Variants in DPYD observed in about 807,000 individuals in gnomAD.
The protein encoded by DPYD is dihydropyrimidine dehydrogenase.
A neutral mutation model predicts 116.2 loss-of-function variants in DPYD; 109 were observed. That is an observed-to-expected ratio of 0.94 (90% CI 0.80 to 1.10). DPYD has a LOEUF of 1.10. DPYD is among the 50% of genes least tolerant of loss of function. The pLI is 0.00. For missense variants in DPYD, 1,302 were observed against 1,254.5 expected (o/e 1.04, Z -0.57); for synonymous variants, 440 against 432.0 (o/e 1.02, Z -0.23).
intron 13 of DPYD, among the ~76,000 whole-genome samples, chr1:97,509,667 A>G (rs537441911): frequency 2.0e-5 from 3 of 152,088 alleles, no homozygotes; most frequent in South Asian, 2.1e-4. Flanking sequence ...CAGAAAATAA[A>G]CTATTCTTTA....
At chr1:97,246,123 A>T (rs968413286) in intron 18 of DPYD, among the ~76,000 whole-genome samples, 3 of 152,128 alleles carry the variant, frequency 2.0e-5, no homozygotes, top group Non-Finnish European at 4.4e-5. Context: ...CTGACCAGGC[A>T]CTTTGAAAAA....
intron 20 of DPYD, 39 bp from the exon 21 acceptor site, chr1:97,098,671 C>T (rs1650443029): frequency 6.2e-7 from 1 of 1,609,478 alleles, no homozygotes; most frequent in African/African-American, 1.3e-5. Flanking sequence ...CATGTTAGCT[C>T]AGAGAAGAGA....
chr1:97,374,718 G>GAA (rs144889184), intron 15 of DPYD, among the ~76,000 whole-genome samples: 9 of 52,610 alleles, frequency 1.7e-4, no homozygotes, highest in African/African-American at 6.2e-4. Flanking sequence ...CTCCGTCTCA[G>GAA]AAAAAAAAAA....
At chr1:97,234,603 C>G (rs1290231121) in intron 19 of DPYD, among the ~76,000 whole-genome samples, 2 of 152,032 alleles carry the variant, frequency 1.3e-5, no homozygotes, top group South Asian at 2.1e-4. Flanking sequence ...TTATTTATTT[C>G]AGGATCACAT....
At chr1:97,246,744 T>A (rs1662745274) in intron 18 of DPYD, among the ~76,000 whole-genome samples, 2 of 152,274 alleles carry the variant, frequency 1.3e-5, no homozygotes, top group South Asian at 4.1e-4. Context: ...GCATTTTACT[T>A]TTTAAAATGC....
chr1:97,485,152 T>C (rs964956100), intron 13 of DPYD, among the ~76,000 whole-genome samples: 2 of 152,192 alleles, frequency 1.3e-5, no homozygotes, highest in African/African-American at 4.8e-5. Context: ...TTCTTTGTAT[T>C]GGATCTTCCC....
chr1:97,660,529 A>G (rs568343160), intron 8 of DPYD, among the ~76,000 whole-genome samples: 1 of 152,210 alleles, frequency 6.6e-6, no homozygotes, highest in African/African-American at 2.4e-5. Context: ...TGTCCCTTGT[A>G]TATACTTCTC....
At chr1:97,453,850 T>C (rs1557723028) in intron 13 of DPYD, among the ~76,000 whole-genome samples, 2 of 152,126 alleles carry the variant, frequency 1.3e-5, no homozygotes. Flanking sequence ...GAACAGGAAG[T>C]ACAAACCAAA....
chr1:97,865,271 T>A (rs952350289), intron 2 of DPYD, among the ~76,000 whole-genome samples: 1 of 151,906 alleles, frequency 6.6e-6, no homozygotes, highest in Non-Finnish European at 1.5e-5. Context: ...CCATATGAGA[T>A]GCATTTAATT....
rs1156594534 is a variant in DPYD, at chr1:97,192,818, GGCACTT to G, written c.2622+245_2622+250del. On this transcript the variant is annotated intron_variant, in intron 20 of 22. Transcript: ENST00000370192. ...TCACCACAGTAAGCAAGAATTTGGA[GGCACTT>G]TACACTGCAAACATCGGTCTTTTCC... Among the ~76,000 whole-genome samples, 10 of 152,276 alleles carry G rather than the reference GGCACTT, an allele frequency of 6.6e-5. No homozygotes were observed. The East Asian group carries it at 1.9e-3, about 29-fold the overall frequency.
chr1:97,852,262 T>C (rs1670609449), intron 2 of DPYD, among the ~76,000 whole-genome samples: 1 of 152,112 alleles, frequency 6.6e-6, no homozygotes, highest in Non-Finnish European at 1.5e-5. Context: ...CATACCTGAT[T>C]AGTGCTATTA....
chr1:97,777,593 C>G (rs543785743), intron 3 of DPYD, among the ~76,000 whole-genome samples: 22 of 152,272 alleles, frequency 1.4e-4, no homozygotes, highest in Admixed American at 5.2e-4. Context: ...CTTCCCATTT[C>G]TTATCTAGTT....
intron 14 of DPYD, among the ~76,000 whole-genome samples, chr1:97,402,291 T>A (rs1673418219): frequency 6.6e-6 from 1 of 152,128 alleles, no homozygotes; most frequent in Non-Finnish European, 1.5e-5. Context: ...CTTGTTTGAT[T>A]TTGTCCATCA....
At chr1:97,647,857 CT>C (rs1658361541) in intron 8 of DPYD, among the ~76,000 whole-genome samples, 1 of 151,996 alleles carries the variant, frequency 6.6e-6, no homozygotes, top group Admixed American at 6.6e-5. Context: ...TAAAAAGTTA[CT>C]AACTGCAGAG....
intron 3 of DPYD, among the ~76,000 whole-genome samples, chr1:97,778,972 T>C (rs184391642): frequency 1.2e-4 from 19 of 152,240 alleles, no homozygotes; most frequent in Admixed American, 9.8e-4. Context: ...TATATCTTAA[T>C]TTTCAGAATA....
chr1:97,544,572 A>G (rs988673551), intron 12 of DPYD, among the ~76,000 whole-genome samples: 4 of 152,280 alleles, frequency 2.6e-5, no homozygotes, highest in Admixed American at 6.5e-5. Flanking sequence ...ATTTCTATTC[A>G]AACTTCCTAT....
intron 10 of DPYD, among the ~76,000 whole-genome samples, chr1:97,581,326 C>CAAAAAAA (rs1161399547): frequency 9.0e-5 from 6 of 66,594 alleles, no homozygotes; most frequent in African/African-American, 2.7e-4. Context: ...GACTCAGTCT[C>CAAAAAAA]AAAAAAAAAA....
intron 20 of DPYD, among the ~76,000 whole-genome samples, chr1:97,186,267 T>TACA (rs1657990170): frequency 6.6e-6 from 1 of 152,110 alleles, no homozygotes; most frequent in African/African-American, 2.4e-5. Context: ...AATTAAGGGG[T>TACA]ACAAGTGCAG....
At chr1:97,584,645 TGC>T (rs1653953250) in intron 10 of DPYD, among the ~76,000 whole-genome samples, 1 of 151,946 alleles carries the variant, frequency 6.6e-6, no homozygotes, top group African/African-American at 2.4e-5. Context: ...TCATGTCCTT[TGC>T]AGGGACATGG....
Sources: allele counts gnomAD v4.1 joint callset (sites outside exome capture counted in the v4.1 genomes callset), GRCh38; gene constraint gnomAD v4.1.1; transcripts MANE v1.5; gene names NCBI Gene and HGNC (gene_info 2026-07-23, HGNC 2026-07-21).